ME1: variants seen among roughly 807,000 people sequenced by gnomAD.
ME1 encodes malic enzyme 1, also known as NADP-dependent malic enzyme.
Under a neutral mutation model 66.4 loss-of-function variants are expected in ME1, and 74 were observed. The observed-to-expected ratio is 1.11, with a 90% CI of 0.92 to 1.35. The LOEUF is 1.35. Ranked by LOEUF, ME1 falls within the 40% of genes most tolerant of loss-of-function variation. The pLI is 0.00. For synonymous variants in ME1, 251 were observed against 235.6 expected (o/e 1.07, Z -0.60); for missense variants, 750 against 694.1 (o/e 1.08, Z -0.90).
chr6:83,375,333 G>C (rs531823032), intron 3 of ME1, among the ~76,000 whole-genome samples: 1 of 151,878 alleles, frequency 6.6e-6, no homozygotes, highest in Admixed American at 6.6e-5. Flanking sequence ...CTGTATTCCC[G>C]GGTATTTTAT....
chr6:83,264,984 G>A (rs1052157835), intron 6 of ME1, among the ~76,000 whole-genome samples: 3 of 152,310 alleles, frequency 2.0e-5, no homozygotes, highest in African/African-American at 7.2e-5. Context: ...AAATAGCATT[G>A]CATGCTACAG....
intron 6 of ME1, among the ~76,000 whole-genome samples, chr6:83,287,815 G>A (rs1169139731): frequency 6.6e-6 from 1 of 152,166 alleles, no homozygotes; most frequent in East Asian, 1.9e-4. Context: ...TCCAGCATCT[G>A]TTGTTTCCTG....
intron 6 of ME1, among the ~76,000 whole-genome samples, chr6:83,266,237 A>T (rs537864099): frequency 1.3e-5 from 2 of 152,238 alleles, no homozygotes; most frequent in Non-Finnish European, 2.9e-5. Flanking sequence ...CTTTGCATGT[A>T]TAACTGCTTA....
chr6:83,271,306 A>G (rs1426439378), intron 6 of ME1, among the ~76,000 whole-genome samples: 1 of 152,160 alleles, frequency 6.6e-6, no homozygotes. Flanking sequence ...TCTGAAAACC[A>G]TTTTCTCTTT....
Position 83,237,717 on chromosome 6 carries a change from C to T in ME1, c.1026G>A (p.Lys342=), listed in dbSNP as rs7356973. The T allele has an allele frequency of 6.5e-7, 1 of 1,549,916 alleles. No individual in the cohort carries two copies. The highest frequency in any genetic ancestry group is 8.8e-7 in the Non-Finnish European group (1 of 1,132,904). Residue 342 remains lysine (K), a splice_region_variant and synonymous_variant, in exon 9 of 14, where the codon AAG becomes AAA. Coordinates refer to ENST00000369705, the MANE Select transcript of ME1 (RefSeq NM_002395.6). ...WLVDSKGLIV[K]GRASLTQEKE... is the part of the protein sequence containing the mutation. ...CTGGTTAAAAATGACAAATTCTTAC[C>T]TTAACTATTAATCCTTTTGAATCAA...
intron 5 of ME1, among the ~76,000 whole-genome samples, chr6:83,334,056 G>T (rs956796234): frequency 2.0e-5 from 3 of 152,232 alleles, no homozygotes; most frequent in East Asian, 3.9e-4. Context: ...CTGAGGTACC[G>T]GGTTCTTCTC....
At chr6:83,217,376 A>C (rs1790013277) in intron 12 of ME1, among the ~76,000 whole-genome samples, 1 of 152,246 alleles carries the variant, frequency 6.6e-6, no homozygotes, top group African/African-American at 2.4e-5. Flanking sequence ...AAATAATCAA[A>C]TACTTATTTT....
At chr6:83,301,305 T>C (rs924151574) in intron 6 of ME1, among the ~76,000 whole-genome samples, 2 of 132,658 alleles carry the variant, frequency 1.5e-5, no homozygotes, top group Non-Finnish European at 3.0e-5. Context: ...TCTTTCCTTC[T>C]TTCTTTCTTT....
chr6:83,421,589 A>G (rs934495979), intron 1 of ME1, among the ~76,000 whole-genome samples: 2 of 152,174 alleles, frequency 1.3e-5, no homozygotes, highest in Non-Finnish European at 2.9e-5. Flanking sequence ...TTTTCCTCCA[A>G]TATGGCCTGG....
chr6:83,395,275 T>C (rs1021233478), intron 3 of ME1, among the ~76,000 whole-genome samples: 8 of 151,524 alleles, frequency 5.3e-5, no homozygotes, highest in East Asian at 2.0e-4. Context: ...TTAGTAGAGA[T>C]AGGGTTTCAC....
At chr6:83,366,004 T>C (rs1377988190) in intron 3 of ME1, among the ~76,000 whole-genome samples, 1 of 152,196 alleles carries the variant, frequency 6.6e-6, no homozygotes, top group Non-Finnish European at 1.5e-5. Context: ...TTCTCTTTTT[T>C]ACTCTAATGA....
At position 83,315,360 on chromosome 6, in the gene ME1, AC is replaced by A; in HGVS notation, c.653del (p.Gly218ValfsTer21). ...CGTCCAAAAAATCATCATATTCAGAACCTCTTACTCTTCTCTGCCGTAGTCC... is the reference window on the plus strand; with the variant it reads ...CGTCCAAAAAATCATCATATTCAGAACTCTTACTCTTCTCTGCCGTAGTCC... ...YIGLRQRRVR[G>X]SEYDDFLDEF... On this transcript the variant is annotated frameshift_variant, in exon 6 of 14. Transcript: ENST00000369705. LOFTEE classifies it high-confidence loss of function. 1 of 1,612,662 alleles carries A rather than the reference AC, an allele frequency of 6.2e-7. No individual in the cohort carries two copies. The highest frequency in any genetic ancestry group is 8.5e-7 in the Non-Finnish European group (1 of 1,179,274).
chr6:83,430,225 G>T (rs919739006), intron 1 of ME1, among the ~76,000 whole-genome samples: 3 of 151,000 alleles, frequency 2.0e-5, no homozygotes, highest in African/African-American at 7.4e-5. Flanking sequence ...AGAAAGAAAA[G>T]AAATGGCTTT....
At chr6:83,312,552 A>G (rs916927866) in intron 6 of ME1, among the ~76,000 whole-genome samples, 1 of 152,152 alleles carries the variant, frequency 6.6e-6, no homozygotes, top group African/African-American at 2.4e-5. Context: ...GCATTGATGG[A>G]GAAAGAGGGG....
At chr6:83,231,278 C>T (rs1008437797) in intron 9 of ME1, among the ~76,000 whole-genome samples, 3 of 151,966 alleles carry the variant, frequency 2.0e-5, no homozygotes, top group Non-Finnish European at 4.4e-5. Context: ...CTCCTAGACA[C>T]TGAAGCCAGA....
chr6:83,292,017 C>T (rs1767513317), intron 6 of ME1, among the ~76,000 whole-genome samples: 3 of 151,938 alleles, frequency 2.0e-5, no homozygotes, highest in African/African-American at 7.2e-5. Context: ...GTTAGCCATT[C>T]GTGTAATATT....
intron 5 of ME1, among the ~76,000 whole-genome samples, chr6:83,333,446 T>C (rs1050920307): frequency 6.6e-6 from 1 of 152,090 alleles, no homozygotes; most frequent in Admixed American, 6.6e-5. Flanking sequence ...AAAGAATAAA[T>C]ACAAAAAATA....
intron 2 of ME1, among the ~76,000 whole-genome samples, chr6:83,404,952 C>T (rs529548504): frequency 3.5e-4 from 53 of 152,230 alleles, no homozygotes; most frequent in Middle Eastern, 3.4e-3. Flanking sequence ...ATGCTTCCAG[C>T]TTTGTTCTTT....
intron 3 of ME1, among the ~76,000 whole-genome samples, chr6:83,369,838 A>G (rs1042108922): frequency 2.0e-5 from 3 of 152,172 alleles, no homozygotes; most frequent in Non-Finnish European, 2.9e-5. Flanking sequence ...AGTCCTATAT[A>G]TTTCCAATCA....
Sources: allele counts gnomAD v4.1 joint callset (sites outside exome capture counted in the v4.1 genomes callset), GRCh38; gene constraint gnomAD v4.1.1; transcripts MANE v1.5; gene names NCBI Gene and HGNC (gene_info 2026-07-23, HGNC 2026-07-21).